The following NEDD1 variants were observed in gnomAD, a reference collection of about 807,000 sequenced individuals.
NEDD1 encodes NEDD1 gamma-tubulin ring complex targeting factor, also known as protein NEDD1.
NEDD1 carries 33 observed loss-of-function variants against 74.0 expected under a neutral mutation model. The ratio of observed to expected loss-of-function variants is 0.45; its 90% confidence interval spans 0.34 to 0.60. The LOEUF is 0.60. Among genes scored for constraint, NEDD1 ranks in the 20% least tolerant of loss-of-function variants. The pLI is 0.01. For missense variants in NEDD1, 746 were observed against 776.5 expected (o/e 0.96, Z 0.47); for synonymous variants, 250 against 264.4 (o/e 0.95, Z 0.53).
At chr12:96,944,932 T>C (rs1878051480) in intron 13 of NEDD1, 137 bp downstream of exon 13, 2 of 573,150 alleles carry the variant, frequency 3.5e-6, no homozygotes, top group Non-Finnish European at 6.0e-6. Flanking sequence ...ACACTTCTGT[T>C]GTGTGAGTGT....
intron 4 of NEDD1, among the ~76,000 whole-genome samples, chr12:96,913,258 C>T (rs1874105851): frequency 6.6e-6 from 1 of 152,166 alleles, no homozygotes; most frequent in Admixed American, 6.5e-5. Flanking sequence ...TCCACCTGTA[C>T]TGAGGGGCCT....
Position 96,920,005 on chromosome 12 carries a change from T to C in NEDD1, c.369T>C (p.Thr123=). 6.2e-7 allele frequency: 1 copy of C among 1,606,542 alleles called. No homozygotes were observed. Among genetic ancestry groups the C allele is most frequent in the Non-Finnish European group, 8.5e-7 (1 of 1,174,152 alleles). ...RSLKDHKDQV[T]CVTYNWNDCY... is the part of the protein sequence containing the mutation. ...TTCAGGATCATAAAGATCAAGTAACTTGTGTAACATACAATTGGAATGATT... is the reference window on the plus strand; with the variant it reads ...TTCAGGATCATAAAGATCAAGTAACCTGTGTAACATACAATTGGAATGATT... The change falls in exon 6 of 16, where the codon ACT becomes ACC. Residue 123 remains threonine, a synonymous_variant. Transcript: ENST00000266742.
At chr12:96,945,316 T>C (rs1295237942) in intron 13 of NEDD1, among the ~76,000 whole-genome samples, 1 of 152,128 alleles carries the variant, frequency 6.6e-6, no homozygotes, top group Non-Finnish European at 1.5e-5. Flanking sequence ...TCTAAGGCTT[T>C]TCCTGTAGCA....
Position 96,943,666 on chromosome 12 carries a change from A to T in NEDD1, c.1401A>T (p.Gly467=), listed in dbSNP as rs1877898549. ...LHSSPLNVFM[G]SPGKEENENR... Reference sequence around the variant, plus strand: ...CTAGTCCTCTTAATGTTTTTATGGGATCTCCAGGGAAAGAGGAAAATGAAA... The same window carrying T: ...CTAGTCCTCTTAATGTTTTTATGGGTTCTCCAGGGAAAGAGGAAAATGAAA... The change falls in exon 12 of 16, where the codon GGA becomes GGT. Residue 467 remains glycine (G), a synonymous_variant. Transcript: ENST00000266742. 1.2e-6 allele frequency: 2 copies of T among 1,611,702 alleles called. No homozygotes were observed. The highest frequency in any genetic ancestry group is 2.7e-5 in the African/African-American group (2 of 74,954).
At chr12:96,947,989 C>T (rs911001071) in intron 14 of NEDD1, among the ~76,000 whole-genome samples, 4 of 152,148 alleles carry the variant, frequency 2.6e-5, no homozygotes, top group African/African-American at 9.7e-5. Flanking sequence ...AGAGGATTTC[C>T]ATAAATTCAC....
rs142503770 is a variant in NEDD1 at position 96,922,044 on chromosome 12, G to T, written c.489+1919G>T. Among the ~76,000 whole-genome samples the T allele has an allele frequency of 5.4e-3, 820 of 152,276 alleles. 3 individuals carry two copies. Among genetic ancestry groups the T allele is most frequent in the Admixed American group, 9.0e-3 (138 of 15,300 alleles). On this transcript the variant is annotated intron_variant, in intron 6 of 15. Coordinates refer to ENST00000266742, the MANE Select transcript of NEDD1 (RefSeq NM_152905.4). ...GGGTAAATATGAATATAGTATTGAT[G>T]TAAGACTGAATGTCACACAAAAGAC...
In NEDD1 at chr12:96,907,508, C is replaced by T. The variant is rs573336856; in HGVS notation, c.-261-96C>T. Reference sequence around the variant, plus strand: ...GCGCGGGCCGGGGTCGCGCACCTCCCGGAGCCTTGTGGGGTGTGCTGCCTC... The same window carrying T: ...GCGCGGGCCGGGGTCGCGCACCTCCTGGAGCCTTGTGGGGTGTGCTGCCTC... On this transcript the variant is annotated intron_variant, in intron 1 of 15. Coordinates refer to ENST00000266742, the MANE Select transcript of NEDD1 (RefSeq NM_152905.4). 7.6e-6 allele frequency: 8 copies of T among 1,052,880 alleles called. No individual in the cohort carries two copies. The Admixed American group carries it at 1.2e-4, about 16-fold the overall frequency. The allele number at this position is 1,052,880 out of a possible 1,614,324, so 65.2% of individuals were successfully genotyped here.
intron 6 of NEDD1, among the ~76,000 whole-genome samples, chr12:96,928,239 G>C (rs1287592766): frequency 1.3e-5 from 2 of 152,000 alleles, no homozygotes; most frequent in Non-Finnish European, 2.9e-5. Flanking sequence ...GATCTACCCT[G>C]GGTATCCTCA....
rs1177574943 is a variant in NEDD1 at position 96,912,729 on chromosome 12, T to G, written c.143T>G (p.Phe48Cys). 1.3e-6 allele frequency: 2 copies of G among 1,566,870 alleles called. No individual in the cohort carries two copies. The highest frequency in any genetic ancestry group is 1.8e-6 in the Non-Finnish European group (2 of 1,138,198). ...SSICWSSNNNFLVTASSSGDK... is the reference protein window; with the variant it reads ...SSICWSSNNNCLVTASSSGDK... ...TCCATAACTCCTCATTTAGATAACT[T>G]TTTAGTAACAGCATCTTCCAGTGGC... Residue 48 changes from phenylalanine (F) to cysteine (C), a missense_variant, in exon 4 of 16, where the codon TTT (phenylalanine) becomes TGT (cysteine). By Grantham distance (205) the Phe-to-Cys change is radical. Around this residue, in one of 3 missense-constraint regions of NEDD1, gnomAD observed 706 missense variants for 706.7 expected, o/e 1.00. Transcript: ENST00000266742.
chr12:96,945,587 T>A, intron 13 of NEDD1, 106 bp from the exon 14 acceptor site: 1 of 660,252 alleles, frequency 1.5e-6, no homozygotes, highest in Non-Finnish European at 2.6e-6. Flanking sequence ...AGGAACACTC[T>A]TCTTTGCCAG....
chr12:96,934,593 A>T lies in NEDD1; in HGVS notation c.490-383A>T, dbSNP rs534567062. Among the ~76,000 whole-genome samples the T allele has an allele frequency of 1.4e-3, 207 of 151,696 alleles. 2 individuals are homozygous for T. The highest frequency in any genetic ancestry group is 4.9e-3 in the African/African-American group (204 of 41,290). On this transcript the variant is annotated intron_variant, in intron 6 of 15. Transcript: ENST00000266742. ...CACTCTGTCGCCCAGGCTGGAGTAC[A>T]ATAGTGTGATCTTGGCTCACTGCAG...
In NEDD1 at chr12:96,909,915, A is replaced by AC. The variant is rs776137409; in HGVS notation, c.136+20_136+21insC. On this transcript the variant is annotated intron_variant, in intron 3 of 15. Transcript: ENST00000266742. ...GCAATAGTATCCTTTAAAAAAAAAA[A>AC]ACACACACACACACACACAAACCGC... The AC allele has an allele frequency of 1.2e-3, 1,553 of 1,343,102 alleles. 4 individuals are homozygous for AC. The highest frequency in any genetic ancestry group is 1.8e-3 in the African/African-American group (121 of 68,424). The allele number at this position is 1,343,102 out of a possible 1,614,324, so 83.2% of individuals were successfully genotyped here.
chr12:96,922,248 A>G (rs1751371258), intron 6 of NEDD1, among the ~76,000 whole-genome samples: 1 of 152,202 alleles, frequency 6.6e-6, no homozygotes, highest in African/African-American at 2.4e-5. Context: ...ATATTGTCAT[A>G]AAAGCAGGAA....
chr12:96,946,300 C>T lies in NEDD1; in HGVS notation c.1811+451C>T, dbSNP rs76299900. Among the ~76,000 whole-genome samples the T allele has an allele frequency of 3.0e-4, 45 of 152,296 alleles. No individual in the cohort carries two copies. In the East Asian group the frequency reaches 8.5e-3, roughly 29 times the overall value. On this transcript the variant is annotated intron_variant, in intron 14 of 15. Coordinates refer to ENST00000266742, the MANE Select transcript of NEDD1 (RefSeq NM_152905.4). ...ACTTAATCTAAAAAAAATTCTTTCT[C>T]AGACTTATCCTTGTCTGTCTCATCC...
chr12:96,951,930 C>T lies in NEDD1; in HGVS notation c.1879-19C>T. The T allele has an allele frequency of 7.8e-7, 1 of 1,281,198 alleles. No homozygotes were observed. Among genetic ancestry groups the T allele is most frequent in the Non-Finnish European group, 1.1e-6 (1 of 883,194 alleles). The allele number at this position is 1,281,198 out of a possible 1,614,324, so 79.4% of individuals were successfully genotyped here. ...TGTGAAATATCAATAATTTAAAAAG[C>T]ATTTTCCTGTTTTTCTAGAATGAAA... On this transcript the variant is annotated intron_variant, in intron 15 of 15. Transcript: ENST00000266742.
intron 11 of NEDD1, 72 bp downstream of exon 11, chr12:96,942,696 TCTCCAACACTTTG>T: frequency 2.6e-6 from 2 of 769,546 alleles, no homozygotes; most frequent in Admixed American, 4.5e-5. Context: ...GTAACAAATC[TCTCCAACACTTTG>T]AGGCTTAAAA....
In NEDD1 at chr12:96,907,600, G is replaced by T. The variant is rs1336623969; in HGVS notation, c.-261-4G>T. 2 of 1,551,068 alleles carry T rather than the reference G, an allele frequency of 1.3e-6. No homozygotes were observed. The highest frequency in any genetic ancestry group is 2.4e-5 in the East Asian group (1 of 40,912). On this transcript the variant is annotated splice_polypyrimidine_tract_variant and splice_region_variant and intron_variant, in intron 1 of 15. Coordinates refer to ENST00000266742, the MANE Select transcript of NEDD1 (RefSeq NM_152905.4). Reference sequence around the variant, plus strand: ...GTCAACCTCAAGTACTTTTCTTTTGGCAGGTACTTGGATGCATTTTACAGG... The same window carrying T: ...GTCAACCTCAAGTACTTTTCTTTTGTCAGGTACTTGGATGCATTTTACAGG...
intron 6 of NEDD1, among the ~76,000 whole-genome samples, chr12:96,925,322 A>G (rs1358602324): frequency 6.6e-6 from 1 of 152,234 alleles, no homozygotes; most frequent in East Asian, 1.9e-4. Flanking sequence ...AGAGGTTATC[A>G]CAGCATAGAA....
chr12:96,932,458 AAAAAAAT>A (rs1161360457), intron 6 of NEDD1, among the ~76,000 whole-genome samples: 1 of 51,726 alleles, frequency 1.9e-5, no homozygotes, highest in Non-Finnish European at 3.8e-5. Flanking sequence ...AAAAAAAAAA[AAAAAAAT>A]ATATATATAT....
Sources: gnomAD v4.1 joint callset for allele counts (sites outside exome capture counted in the v4.1 genomes callset) on GRCh38, gnomAD v4.1.1 for gene constraint, gnomAD v4.1.1 regional missense constraint, MANE v1.5 for transcripts, NCBI Gene and HGNC (gene_info 2026-07-23, HGNC 2026-07-21) for gene names.